Variants in RNF38 observed in about 807,000 individuals in gnomAD.
RNF38 encodes ring finger protein 38.
Under a neutral mutation model 67.2 loss-of-function variants are expected in RNF38, and 15 were observed. The ratio of observed to expected loss-of-function variants is 0.22; its 90% CI spans 0.15 to 0.34. RNF38 has a LOEUF of 0.34. Among genes scored for constraint, RNF38 ranks in the 10% least tolerant of loss-of-function variants. RNF38 has a pLI of 1.00. For missense variants in RNF38, 524 were observed against 639.9 expected (o/e 0.82, Z 1.95); for synonymous variants, 220 against 218.8 (o/e 1.01, Z -0.05).
At chr9:36,375,567 A>T (rs1385335018) in intron 3 of RNF38, among the ~76,000 whole-genome samples, 1 of 152,238 alleles carries the variant, frequency 6.6e-6, no homozygotes, top group African/African-American at 2.4e-5. Flanking sequence ...GGAATGGAGT[A>T]GAAAAGGAGT....
intron 1 of RNF38, among the ~76,000 whole-genome samples, chr9:36,451,504 T>TG (rs1839444563): frequency 2.3e-5 from 3 of 130,128 alleles, no homozygotes; most frequent in South Asian, 2.6e-4. Flanking sequence ...TTTTTTTTTT[T>TG]TTTTTTTTTT....
Position 36,435,967 on chromosome 9 carries a change from T to C in RNF38, n.242-11284A>G, listed in dbSNP as rs187335991. ...TTTATACACCACAAACCTAATCCAG[T>C]TCTTTGCAACTCTTTTTGTATCCAT... On this transcript the variant is annotated intron_variant and non_coding_transcript_variant, in intron 1 of 3. Transcript: ENST00000488058. Among the ~76,000 whole-genome samples the C allele has an allele frequency of 3.3e-5, 5 of 152,266 alleles. No homozygotes were observed. The East Asian group carries it at 9.6e-4, about 29-fold the overall frequency.
At chr9:36,400,279 G>A (rs1470505923), upstream of RNF38, 8 of 1,313,262 alleles carry the variant, frequency 6.1e-6, no homozygotes, top group Admixed American at 3.4e-5. Context: ...CGCCAGAGAG[G>A]ACCCTTTCGA....
intron 1 of RNF38, among the ~76,000 whole-genome samples, chr9:36,427,753 C>A (rs1355891354): frequency 6.6e-6 from 1 of 151,704 alleles, no homozygotes; most frequent in Non-Finnish European, 1.5e-5. Flanking sequence ...TCTTGTTGCC[C>A]ACACTGGAGG....
intron 1 of RNF38, among the ~76,000 whole-genome samples, chr9:36,449,769 A>AT (rs2134329530): frequency 6.6e-6 from 1 of 152,218 alleles, no homozygotes; most frequent in African/African-American, 2.4e-5. Context: ...ACACAAAAAC[A>AT]TTTGCAGGTC....
Position 36,376,110 on chromosome 9 carries a change from A to T in RNF38, c.180T>A (p.Ser60Arg), listed in dbSNP as rs763883946. Reference sequence around the variant, plus strand: ...AATGAGAGAGGCGCTGTCTCTTAGGACTTGGACTATCTTCACTCTGCCAAT... The same window carrying T: ...AATGAGAGAGGCGCTGTCTCTTAGGTCTTGGACTATCTTCACTCTGCCAAT... Reference protein sequence around the residue: ...KAFFQSEDSPSPKRQRLSHSV... With the variant: ...KAFFQSEDSPRPKRQRLSHSV... The change falls in exon 3 of 12, where the codon AGT (serine) becomes AGA (arginine). Residue 60 changes from serine to arginine, a missense_variant. Around this residue, in one of 2 missense-constraint regions of RNF38, gnomAD observed 461 missense variants for 517.4 expected, o/e 0.89. Coordinates refer to ENST00000259605, the MANE Select transcript of RNF38 (RefSeq NM_022781.5). 2.5e-6 allele frequency: 4 copies of T among 1,586,690 alleles called. No individual in the cohort carries two copies. The highest frequency in any genetic ancestry group is 8.5e-7 in the Non-Finnish European group (1 of 1,170,654).
intron 2 of RNF38, among the ~76,000 whole-genome samples, chr9:36,385,934 G>A (rs1332072133): frequency 1.3e-5 from 2 of 152,098 alleles, no homozygotes; most frequent in South Asian, 2.1e-4. Flanking sequence ...CAAGCATCTC[G>A]ACAACCAACT....
chr9:36,401,081 C>T (rs1258923888), upstream of RNF38: 1 of 985,048 alleles, frequency 1.0e-6, no homozygotes, highest in African/African-American at 1.7e-5. Context: ...CCACCCCGTC[C>T]CCTCGCCAGC....
At chr9:36,400,055 A>T in intron 1 of RNF38, 42 bp downstream of exon 1, 1 of 1,584,306 alleles carries the variant, frequency 6.3e-7, no homozygotes, top group Non-Finnish European at 8.7e-7. Context: ...TTACTGAATA[A>T]TAGCATATAT....
intron 1 of RNF38, among the ~76,000 whole-genome samples, chr9:36,484,908 T>A (rs1443921044): frequency 6.6e-6 from 1 of 152,188 alleles, no homozygotes; most frequent in Non-Finnish European, 1.5e-5. Context: ...GGCTCACGCC[T>A]GTAATCCCAG....
chr9:36,400,061 T>A (rs1365826431), intron 1 of RNF38, 36 bp downstream of exon 1: 1 of 1,591,096 alleles, frequency 6.3e-7, no homozygotes, highest in Non-Finnish European at 8.6e-7. Context: ...AATAATAGCA[T>A]ATATCATTTT....
intron 4 of RNF38, among the ~76,000 whole-genome samples, chr9:36,359,272 T>C (rs1177371686): frequency 6.6e-6 from 1 of 151,498 alleles, no homozygotes; most frequent in African/African-American, 2.4e-5. Flanking sequence ...TATTTTTGTC[T>C]TTTGTGATTT....
At chr9:36,461,282 G>A (rs1036660540) in intron 1 of RNF38, among the ~76,000 whole-genome samples, 8 of 152,180 alleles carry the variant, frequency 5.3e-5, no homozygotes, top group African/African-American at 1.9e-4. Flanking sequence ...TGAATGAGTA[G>A]TGGTAAGCTG....
chr9:36,465,077 AG>A (rs1839828564), intron 1 of RNF38, among the ~76,000 whole-genome samples: 1 of 152,206 alleles, frequency 6.6e-6, no homozygotes, highest in South Asian at 2.1e-4. Flanking sequence ...ACCCACTAGG[AG>A]GGCTATAATC....
intron 1 of RNF38, among the ~76,000 whole-genome samples, chr9:36,428,541 TTG>T (rs1391828980): frequency 1.3e-5 from 2 of 152,106 alleles, no homozygotes; most frequent in African/African-American, 4.8e-5. Flanking sequence ...AGACTGAGCC[TTG>T]GTCATCTTTA....
intron 1 of RNF38, among the ~76,000 whole-genome samples, chr9:36,435,643 T>C (rs182644101): frequency 0.051 from 7,501 of 148,524 alleles, 577 homozygotes; most frequent in African/African-American, 0.17. Context: ...TTTTTTGAGA[T>C]GGAGTCTCGC....
chr9:36,471,632 C>A (rs1344699571), intron 1 of RNF38, among the ~76,000 whole-genome samples: 3 of 152,270 alleles, frequency 2.0e-5, no homozygotes, highest in Non-Finnish European at 4.4e-5. Context: ...ACTCTTATCT[C>A]AAAATAACAA....
upstream of RNF38, among the ~76,000 whole-genome samples, chr9:36,402,294 C>G (rs1235494589): frequency 3.9e-5 from 6 of 152,326 alleles, no homozygotes; most frequent in East Asian, 5.8e-4. Flanking sequence ...CTGGCTGGCT[C>G]TCTCCCAAAG....
At chr9:36,359,270 T>G (rs1236795633) in intron 4 of RNF38, among the ~76,000 whole-genome samples, 1 of 151,642 alleles carries the variant, frequency 6.6e-6, no homozygotes, top group Non-Finnish European at 1.5e-5. Context: ...CATATTTTTG[T>G]CTTTTGTGAT....
Sources: gnomAD v4.1 joint callset for allele counts (sites outside exome capture counted in the v4.1 genomes callset) on GRCh38, gnomAD v4.1.1 for gene constraint, gnomAD v4.1.1 regional missense constraint, MANE v1.5 for transcripts, NCBI Gene and HGNC (gene_info 2026-07-23, HGNC 2026-07-21) for gene names.